The following TRIM3 variants were observed in gnomAD, a reference collection of about 807,000 sequenced individuals.
The protein encoded by TRIM3 is tripartite motif containing 3, also known as tripartite motif-containing protein 3.
In TRIM3, 13 loss-of-function variants were observed where a neutral mutation model predicts 66.6. The observed-to-expected ratio is 0.20, with a 90% confidence interval of 0.13 to 0.31. The LOEUF is 0.31. Ranked by LOEUF, TRIM3 falls within the 10% of genes least tolerant of loss-of-function variation. The probability of loss-of-function intolerance (pLI) is 1.00; values close to 1 mark genes in which losing one functional copy is unlikely to be tolerated. For missense variants in TRIM3, 711 were observed against 1,020.4 expected (o/e 0.70, Z 4.13); for synonymous variants, 406 against 411.7 (o/e 0.99, Z 0.17).
Position 6,466,440 on chromosome 11 carries a change from AC to A in TRIM3, c.-37-709del, listed in dbSNP as rs1446174345. On this transcript the variant is annotated intron_variant, in intron 1 of 11. Coordinates refer to ENST00000345851, the MANE Select transcript of TRIM3 (RefSeq NM_033278.4). ...TTGAAGCCAGAATGAATTTTCTAAA[AC>A]ACAGATTTGATCTTGTCAGTACTCT... 4.6e-5 allele frequency among the ~76,000 whole-genome samples: 7 copies of A among 152,308 alleles called. No homozygotes were observed. The South Asian group carries it at 1.2e-3, about 27-fold the overall frequency.
Position 6,450,857 on chromosome 11 carries a change from G to T in TRIM3, c.1870+35C>A, listed in dbSNP as rs747521044. 8.1e-6 allele frequency: 13 copies of T among 1,611,558 alleles called. No homozygotes were observed. The highest frequency in any genetic ancestry group is 4.4e-5 in the South Asian group (4 of 90,912). ...TCTAGGGGAGTTCTCTGGAACAGGGGTATCAGCATAGATCTTGGAGCTGTC... is the reference window on the plus strand; with the variant it reads ...TCTAGGGGAGTTCTCTGGAACAGGGTTATCAGCATAGATCTTGGAGCTGTC... On this transcript the variant is annotated intron_variant, in intron 9 of 11. Coordinates refer to ENST00000345851, the MANE Select transcript of TRIM3 (RefSeq NM_033278.4). This position sits in a 1 kb window ranked among gnomAD's most constrained non-coding sequence, Gnocchi z 4.8.
Position 6,448,641 on chromosome 11 carries a change from G to A in TRIM3, c.*387C>T, listed in dbSNP as rs369751213. 15 of 435,128 alleles carry A rather than the reference G, an allele frequency of 3.4e-5. No homozygotes were observed. The highest frequency in any genetic ancestry group is 2.3e-4 in the Admixed American group (6 of 25,774). The allele number at this position is 435,128 out of a possible 1,614,324, so 27.0% of individuals were successfully genotyped here. On this transcript the variant is annotated 3_prime_UTR_variant, in exon 12 of 12. Coordinates refer to ENST00000345851, the MANE Select transcript of TRIM3 (RefSeq NM_033278.4). ...TGGTGAAGACATTTATTTAATATGG[G>A]GGGTGGGGTATTGCTGTCTCTGTCA...
intron 1 of TRIM3, among the ~76,000 whole-genome samples, chr11:6,469,851 C>T (rs2134232043): frequency 6.6e-6 from 1 of 152,230 alleles, no homozygotes; most frequent in South Asian, 2.1e-4. Flanking sequence ...AACCTTTCTC[C>T]TAAAGAAAGT....
intron 7 of TRIM3, chr11:6,451,948 A>C (rs1849740682): frequency 6.5e-6 from 1 of 154,638 alleles, no homozygotes; most frequent in African/African-American, 2.4e-5. Context: ...GCTTTTAAGA[A>C]AGAACATTCT....
At chr11:6,473,505 C>T (rs1196247016) in intron 1 of TRIM3, among the ~76,000 whole-genome samples, 1 of 152,040 alleles carries the variant, frequency 6.6e-6, no homozygotes, top group Non-Finnish European at 1.5e-5. Context: ...TCGGCCGCAG[C>T]GTTCAGCACC....
chr11:6,468,532 A>C (rs1464293889), intron 1 of TRIM3, among the ~76,000 whole-genome samples: 1 of 152,234 alleles, frequency 6.6e-6, no homozygotes, highest in Non-Finnish European at 1.5e-5. Flanking sequence ...ACCCAGAGAA[A>C]TGGTAGGAAA....
At chr11:6,455,765 G>A (rs966880612) in intron 7 of TRIM3, among the ~76,000 whole-genome samples, 1 of 152,208 alleles carries the variant, frequency 6.6e-6, no homozygotes, top group Non-Finnish European at 1.5e-5. Context: ...CAGAAGGAAA[G>A]GAGGAATGAG....
chr11:6,451,529 C>A, intron 7 of TRIM3, 91 bp from the exon 8 acceptor site: 2 of 1,372,120 alleles, frequency 1.5e-6, no homozygotes, highest in Non-Finnish European at 1.0e-6. Context: ...GGAGGAGACC[C>A]CCCCACCACC....
Position 6,456,913 on chromosome 11 carries a change from G to A in TRIM3, c.813C>T (p.Arg271=), listed in dbSNP as rs557450092. 5 of 1,611,966 alleles carry A rather than the reference G, an allele frequency of 3.1e-6. No individual in the cohort carries two copies. The South Asian group carries it at 4.4e-5, about 14-fold the overall frequency. The change falls in exon 6 of 12, where the codon CGC becomes CGT. Residue 271 remains arginine, a synonymous_variant. Coordinates refer to ENST00000345851, the MANE Select transcript of TRIM3 (RefSeq NM_033278.4). The surrounding 1 kb of genome is among the most constrained non-coding windows in gnomAD (Gnocchi z 6.4). ...CAGCCAGCCGCTCTCGCATGTGCTT[G>A]CGCACCAGCAACACCTCCGGGGCCG... ...LGSAPEVLLV[R]KHMRERLAAL... is the part of the protein sequence containing the mutation.
chr11:6,457,221 G>C lies in TRIM3; in HGVS notation c.696+75C>G, dbSNP rs2134182461. 3 of 1,567,398 alleles carry C rather than the reference G, an allele frequency of 1.9e-6. No homozygotes were observed. The highest frequency in any genetic ancestry group is 3.4e-4 in the Middle Eastern group (2 of 5,868). On this transcript the variant is annotated intron_variant, in intron 5 of 11. Coordinates refer to ENST00000345851, the MANE Select transcript of TRIM3 (RefSeq NM_033278.4). This position sits in a 1 kb window ranked among gnomAD's most constrained non-coding sequence, Gnocchi z 4.5. ...GGCTGGGGAATGGGGAGCTGGTGTG[G>C]AAGACAGAGGAACAATGGAGGCAAT... is the stretch of plus-strand genomic sequence containing the variant.
Position 6,449,379 on chromosome 11 carries a change from T to G in TRIM3, c.2009A>C (p.Asn670Thr). ...GTCCACAGCTACTCCTGTGGGGGCA[T>G]TGAACTGCCCATTGCCCTCGCCATG... ...GSHGEGNGQF[N>T]APTGVAVDSN... is the part of the protein sequence containing the mutation. The change falls in exon 11 of 12, where the codon AAT becomes ACT. Residue 670 changes from asparagine (N) to threonine (T), a missense_variant. Around this residue, in one of 3 missense-constraint regions of TRIM3, gnomAD observed 163 missense variants for 321.9 expected, o/e 0.51. Transcript: ENST00000345851. This position sits in a 1 kb window ranked among gnomAD's most constrained non-coding sequence, Gnocchi z 5.3. 1.2e-6 allele frequency: 2 copies of G among 1,614,076 alleles called. No individual in the cohort carries two copies. The highest frequency in any genetic ancestry group is 1.7e-6 in the Non-Finnish European group (2 of 1,179,952).
chr11:6,455,054 T>C (rs147132011), intron 7 of TRIM3, among the ~76,000 whole-genome samples: 31 of 152,262 alleles, frequency 2.0e-4, no homozygotes, highest in African/African-American at 5.5e-4. Context: ...TGGCTTCTAA[T>C]AGTAATCTAC....
chr11:6,459,967 A>G (rs1291001906), intron 2 of TRIM3, among the ~76,000 whole-genome samples: 1 of 152,252 alleles, frequency 6.6e-6, no homozygotes, highest in Non-Finnish European at 1.5e-5. Flanking sequence ...TGGGCATGCC[A>G]TCAACATTTA....
At chr11:6,460,571 G>A (rs1041618036) in intron 2 of TRIM3, among the ~76,000 whole-genome samples, 1 of 152,156 alleles carries the variant, frequency 6.6e-6, no homozygotes, top group Non-Finnish European at 1.5e-5. Flanking sequence ...AGGATATAGA[G>A]AGGCACTAGG....
intron 7 of TRIM3, among the ~76,000 whole-genome samples, chr11:6,454,451 G>A (rs1441863724): frequency 1.3e-5 from 2 of 151,688 alleles, no homozygotes; most frequent in African/African-American, 4.8e-5. Flanking sequence ...AGTGGCACTT[G>A]TTTTTCTGTG....
At chr11:6,461,895 A>G (rs1269366859) in intron 2 of TRIM3, among the ~76,000 whole-genome samples, 3 of 152,086 alleles carry the variant, frequency 2.0e-5, no homozygotes, top group African/African-American at 7.2e-5. Context: ...TTCCCATTGC[A>G]CTTAAAATAA....
Position 6,456,919 on chromosome 11 carries a change from C to A in TRIM3, c.807G>T (p.Leu269=). 6.2e-7 allele frequency: 1 copy of A among 1,611,816 alleles called. No individual in the cohort carries two copies. Reference sequence around the variant, plus strand: ...GCCGCTCTCGCATGTGCTTGCGCACCAGCAACACCTCCGGGGCCGAGCCCA... The same window carrying A: ...GCCGCTCTCGCATGTGCTTGCGCACAAGCAACACCTCCGGGGCCGAGCCCA... ...LRLGSAPEVL[L]VRKHMRERLA... The change falls in exon 6 of 12, where the codon CTG becomes CTT. Residue 269 remains leucine, a synonymous_variant. Transcript: ENST00000345851. This position sits in a 1 kb window ranked among gnomAD's most constrained non-coding sequence, Gnocchi z 6.4.
chr11:6,472,221 C>G (rs966113124), intron 1 of TRIM3, among the ~76,000 whole-genome samples: 2 of 152,160 alleles, frequency 1.3e-5, no homozygotes, highest in African/African-American at 4.8e-5. Flanking sequence ...CAACCCCATT[C>G]CCTTATTTGT....
chr11:6,463,662 A>G (rs1850332637), intron 2 of TRIM3, among the ~76,000 whole-genome samples: 1 of 152,200 alleles, frequency 6.6e-6, no homozygotes, highest in South Asian at 2.1e-4. Context: ...TCTATATTGT[A>G]TCGAAAGTGG....
Sources: allele counts gnomAD v4.1 joint callset (sites outside exome capture counted in the v4.1 genomes callset), GRCh38; gene constraint gnomAD v4.1.1; regional missense constraint gnomAD v4.1.1; non-coding constraint Gnocchi (gnomAD v3.1); transcripts MANE v1.5; gene names NCBI Gene and HGNC (gene_info 2026-07-23, HGNC 2026-07-21).